The following ADGRL1 variants were observed in gnomAD, a reference collection of about 807,000 sequenced individuals.
ADGRL1 encodes the protein adhesion G protein-coupled receptor L1, also known as CIRL-1.
In ADGRL1, 31 loss-of-function variants were observed where a neutral mutation model predicts 148.9. The ratio of observed to expected loss-of-function variants is 0.21; its 90% CI spans 0.16 to 0.28. The LOEUF is 0.28. ADGRL1 is among the 10% of genes least tolerant of loss of function. The pLI is 1.00. For missense variants in ADGRL1, 1,521 were observed against 2,058.8 expected (o/e 0.74, Z 5.05); for synonymous variants, 937 against 900.3 (o/e 1.04, Z -0.73).
At chr19:14,202,800 T>C (rs1289327063) in intron 1 of ADGRL1, among the ~76,000 whole-genome samples, 5 of 152,098 alleles carry the variant, frequency 3.3e-5, no homozygotes, top group Non-Finnish European at 5.9e-5. Context: ...CTTGCAGCCC[T>C]GCCTCCCCCA....
At chr19:14,164,320 TG>T (rs1332423141) in intron 4 of ADGRL1, among the ~76,000 whole-genome samples, 1 of 151,022 alleles carries the variant, frequency 6.6e-6, no homozygotes, top group Non-Finnish European at 1.5e-5. Context: ...CCGGGAGAGT[TG>T]GGGAGGGAGA....
intron 2 of ADGRL1, among the ~76,000 whole-genome samples, chr19:14,178,805 C>T (rs1382255917): frequency 6.6e-6 from 1 of 152,154 alleles, no homozygotes; most frequent in African/African-American, 2.4e-5. Flanking sequence ...AGTCCTCGCA[C>T]CTGGCTAAAA....
Position 14,203,012 on chromosome 19 carries a change from T to TCA in ADGRL1, c.-96+2972_-96+2973insTG, listed in dbSNP as rs1231829897. On this transcript the variant is annotated intron_variant, in intron 1 of 22. Transcript: ENST00000361434. ...GGGGACACCGGGACCCCCTCCATGT[T>TCA]TCTACTTGGCCTCCCACCTCACTCC... Among the ~76,000 whole-genome samples the TCA allele has an allele frequency of 1.7e-4, 26 of 152,208 alleles. No individual in the cohort carries two copies. In the East Asian group the frequency reaches 4.6e-3, roughly 27 times the overall value.
In ADGRL1 at chr19:14,157,392, G is replaced by C. The variant is rs372948591; in HGVS notation, c.2604C>G (p.Val868=). 12 of 1,614,068 alleles carry C rather than the reference G, an allele frequency of 7.4e-6. No homozygotes were observed. The highest frequency in any genetic ancestry group is 2.7e-5 in the African/African-American group (2 of 74,940). The change falls in exon 14 of 23, where the codon GTC becomes GTG. Residue 868 remains valine, a synonymous_variant. Coordinates refer to ENST00000361434, the MANE Select transcript of ADGRL1 (RefSeq NM_014921.5). This position sits in a 1 kb window ranked among gnomAD's most constrained non-coding sequence, Gnocchi z 7.5. Reference sequence around the variant, plus strand: ...AGGTGGAGATGCAGATGGCCAAGCAGACCAGGGAGATCACAATGCCCACCC... The same window carrying C: ...AGGTGGAGATGCAGATGGCCAAGCACACCAGGGAGATCACAATGCCCACCC... ...ITWVGIVISL[V]CLAICISTFC...
In ADGRL1 at chr19:14,159,616, C is replaced by T. The variant is rs1338684491; in HGVS notation, c.1840-32G>A. 4.4e-6 allele frequency: 7 copies of T among 1,590,828 alleles called. No individual in the cohort carries two copies. The highest frequency in any genetic ancestry group is 6.0e-6 in the Non-Finnish European group (7 of 1,163,952). On this transcript the variant is annotated intron_variant, in intron 9 of 22. Coordinates refer to ENST00000361434, the MANE Select transcript of ADGRL1 (RefSeq NM_014921.5). The surrounding 1 kb of genome is among the most constrained non-coding windows in gnomAD (Gnocchi z 6.0). ...AGGCAGAGGGCATGGTGCTGTGAGC[C>T]CCCCAACACCCTCTAATTCCTGGGG...
chr19:14,173,943 C>CA (rs774211423), intron 3 of ADGRL1, among the ~76,000 whole-genome samples: 2,904 of 32,212 alleles, frequency 0.09, 205 homozygotes, highest in African/African-American at 0.16. Context: ...GACTCCGTCT[C>CA]AAAAAAAAAA....
chr19:14,151,070 G>GGGGGGGGGGGGGGC lies in ADGRL1; in HGVS notation c.4212_4213insGCCCCCCCCCCCCC (p.Pro1405AlafsTer128). The stretch of plus-strand genomic sequence containing the variant: ...CCGGGGGGTGCGGGAGGGGGTGGGG[G>GGGGGGGGGGGGGGC]CAGGGCCTCACTGGGCCCCTCAGGG... On this transcript the variant is annotated frameshift_variant, in exon 23 of 23. Coordinates refer to ENST00000361434, the MANE Select transcript of ADGRL1 (RefSeq NM_014921.5). LOFTEE classifies it high-confidence loss of function. 1.4e-6 allele frequency: 1 copy of GGGGGGGGGGGGGGC among 709,278 alleles called. No homozygotes were observed. The highest frequency in any genetic ancestry group is 2.2e-6 in the Non-Finnish European group (1 of 458,938). 43.9% of individuals were successfully genotyped at this position (709,278 alleles called of 1,614,324 possible).
chr19:14,184,633 TATTTA>T lies in ADGRL1; in HGVS notation c.-95-941_-95-937del, dbSNP rs1396319709. 5.8e-3 allele frequency among the ~76,000 whole-genome samples: 766 copies of T among 131,090 alleles called. 19 individuals are homozygous for T. Among genetic ancestry groups the T allele is most frequent in the African/African-American group, 0.024 (723 of 29,614 alleles). 86.0% of individuals were successfully genotyped at this position (131,090 alleles called of 152,430 possible). A position where few individuals can be genotyped will look rare whatever the true frequency, so the allele number is the denominator to read the frequency against. On this transcript the variant is annotated intron_variant, in intron 1 of 22. Transcript: ENST00000361434. ...TTATTTATTTATTTATTTATTTATT[TATTTA>T]TTTATTTATTTTTTTTTCTGAGACG... is the stretch of plus-strand genomic sequence containing the variant.
Position 14,150,075 on chromosome 19 carries a change from A to C in ADGRL1, c.*798T>G, listed in dbSNP as rs1968017303. 1 of 151,982 alleles carries C rather than the reference A, an allele frequency of 6.6e-6. No homozygotes were observed. The highest frequency in any genetic ancestry group is 6.6e-5 in the Admixed American group (1 of 15,246). The allele number at this position is 151,982 out of a possible 1,614,324, so 9.4% of individuals were successfully genotyped here. A position where few individuals can be genotyped will look rare whatever the true frequency, so the allele number is the denominator to read the frequency against. On this transcript the variant is annotated 3_prime_UTR_variant, in exon 23 of 23. Transcript: ENST00000361434. ...CTCCCCAGGGAGATCCAGACCCAAA[A>C]TCTGCTCCCCAGATAGCCGAGCCCA...
Position 14,176,878 on chromosome 19 carries a change from C to A in ADGRL1, c.284+653G>T, listed in dbSNP as rs116044877. 6.7e-3 allele frequency among the ~76,000 whole-genome samples: 1,015 copies of A among 152,004 alleles called. 18 individuals carry two copies. The highest frequency in any genetic ancestry group is 0.024 in the African/African-American group (976 of 41,476). On this transcript the variant is annotated intron_variant, in intron 3 of 22. Coordinates refer to ENST00000361434, the MANE Select transcript of ADGRL1 (RefSeq NM_014921.5). The stretch of plus-strand genomic sequence containing the variant: ...GTCTGGGATGAAGGGAAAAGTCCTC[C>A]CATGACACCTTCGCTCTGTCCTGCT...
chr19:14,170,642 G>A lies in ADGRL1; in HGVS notation c.394+40C>T, dbSNP rs767648926. On this transcript the variant is annotated intron_variant, in intron 4 of 22. Coordinates refer to ENST00000361434, the MANE Select transcript of ADGRL1 (RefSeq NM_014921.5). ...GTGTCTCCTCCTCACTCACTCATGC[G>A]AGAAGGGCCCGCATCCGCACAAGGA... is the stretch of plus-strand genomic sequence containing the variant. 1.0e-5 allele frequency: 13 copies of A among 1,278,798 alleles called. No homozygotes were observed. The Admixed American group carries it at 1.6e-4, about 16-fold the overall frequency. The allele number at this position is 1,278,798 out of a possible 1,614,324, so 79.2% of individuals were successfully genotyped here. A position where few individuals can be genotyped will look rare whatever the true frequency, so the allele number is the denominator to read the frequency against.
Position 14,152,425 on chromosome 19 carries a change from T to C in ADGRL1, c.3533A>G (p.Asn1178Ser), listed in dbSNP as rs781276717. 2 of 1,601,312 alleles carry C rather than the reference T, an allele frequency of 1.2e-6. No homozygotes were observed. Among genetic ancestry groups the C allele is most frequent in the South Asian group, 1.1e-5 (1 of 89,982 alleles). Residue 1178 changes from asparagine (N) to serine (S), a missense_variant, in exon 21 of 23, where the codon AAC becomes AGC. Coordinates refer to ENST00000361434, the MANE Select transcript of ADGRL1 (RefSeq NM_014921.5). This position sits in a 1 kb window ranked among gnomAD's most constrained non-coding sequence, Gnocchi z 6.1. ...CAGCACGGGGTTGGTCAGCAGGTGG[T>C]TCCCCATGGTACCTGGCCAAAGGAT... ...TPTLNRGTMG[N>S]HLLTNPVLQP...
chr19:14,177,632 G>T lies in ADGRL1; in HGVS notation c.183C>A (p.Ala61=), dbSNP rs774914603. Residue 61 remains alanine (A), a synonymous_variant, in exon 3 of 23, where the codon GCC becomes GCA. Transcript: ENST00000361434. ...PGSDVIMVEN[A]NYGRTDDKIC... is the part of the protein sequence containing the mutation. ...TCTTGTCGTCCGTGCGCCCGTAGTTGGCATTCTCCACCATGATGACGTCGC... is the reference window on the plus strand; with the variant it reads ...TCTTGTCGTCCGTGCGCCCGTAGTTTGCATTCTCCACCATGATGACGTCGC... 6.2e-7 allele frequency: 1 copy of T among 1,614,208 alleles called. No homozygotes were observed.
In ADGRL1 at chr19:14,155,457, T is replaced by A; in HGVS notation, c.3196A>T (p.Ile1066Phe). 1 of 1,614,012 alleles carries A rather than the reference T, an allele frequency of 6.2e-7. No individual in the cohort carries two copies. Among genetic ancestry groups the A allele is most frequent in the Non-Finnish European group, 8.5e-7 (1 of 1,179,980 alleles). Residue 1066 changes from isoleucine to phenylalanine, a missense_variant, in exon 18 of 23, where the codon ATC (isoleucine) becomes TTC (phenylalanine). Ile to Phe is a conservative substitution (Grantham distance 21). This residue lies in a region of ADGRL1 where 185 missense variants were observed against 251.7 expected (regional missense o/e 0.74). Coordinates refer to ENST00000361434, the MANE Select transcript of ADGRL1 (RefSeq NM_014921.5). This position sits in a 1 kb window ranked among gnomAD's most constrained non-coding sequence, Gnocchi z 5.0. ...GLTWAFGLLF[I>F]NKESVVMAYL... is the part of the protein sequence containing the mutation. ...GCCATGACCACCGACTCCTTGTTGA[T>A]GAAGAGGAGGCCGAAAGCCCAGGTG...
At chr19:14,205,097 T>C (rs1450032054) in intron 1 of ADGRL1, among the ~76,000 whole-genome samples, 1 of 151,792 alleles carries the variant, frequency 6.6e-6, no homozygotes, top group African/African-American at 2.4e-5. Context: ...AGGGGTGCAC[T>C]GGAGAGATAC....
chr19:14,175,161 A>G (rs1970734626), intron 3 of ADGRL1, among the ~76,000 whole-genome samples: 1 of 152,116 alleles, frequency 6.6e-6, no homozygotes, highest in Non-Finnish European at 1.5e-5. Flanking sequence ...ATTTGAAGGA[A>G]AGGCTGATCA....
intron 3 of ADGRL1, among the ~76,000 whole-genome samples, chr19:14,175,608 A>T (rs1970771054): frequency 6.6e-6 from 1 of 150,796 alleles, no homozygotes; most frequent in African/African-American, 2.4e-5. Flanking sequence ...ACTCATACAG[A>T]CACACTCAGA....
At position 14,152,257 on chromosome 19, in the gene ADGRL1, G is replaced by C. The variant is rs920119906; in HGVS notation, c.3649+52C>G. On this transcript the variant is annotated intron_variant, in intron 21 of 22. Coordinates refer to ENST00000361434, the MANE Select transcript of ADGRL1 (RefSeq NM_014921.5). This position sits in a 1 kb window ranked among gnomAD's most constrained non-coding sequence, Gnocchi z 6.1. Reference sequence around the variant, plus strand: ...AGAACATCCCATGCAGAGGTCCCTTGGGACACAAACCCTCCATTTCCCAAC... The same window carrying C: ...AGAACATCCCATGCAGAGGTCCCTTCGGACACAAACCCTCCATTTCCCAAC... The C allele has an allele frequency of 6.2e-7, 1 of 1,612,592 alleles. No individual in the cohort carries two copies. Among genetic ancestry groups the C allele is most frequent in the Non-Finnish European group, 8.5e-7 (1 of 1,178,942 alleles).
chr19:14,155,292 C>T lies in ADGRL1; in HGVS notation c.3294+67G>A. 1 of 1,577,280 alleles carries T rather than the reference C, an allele frequency of 6.3e-7. No individual in the cohort carries two copies. The highest frequency in any genetic ancestry group is 8.6e-7 in the Non-Finnish European group (1 of 1,157,274). On this transcript the variant is annotated intron_variant, in intron 18 of 22. Transcript: ENST00000361434. The surrounding 1 kb of genome is among the most constrained non-coding windows in gnomAD (Gnocchi z 5.0). ...CCTGAGTCCCCTCCACCCTCGCCGC[C>T]TTCTCCTGGGTACCCAGGAAACGTC...
Sources: allele counts gnomAD v4.1 joint callset (sites outside exome capture counted in the v4.1 genomes callset), GRCh38; gene constraint gnomAD v4.1.1; regional missense constraint gnomAD v4.1.1; non-coding constraint Gnocchi (gnomAD v3.1); transcripts MANE v1.5; gene names NCBI Gene and HGNC (gene_info 2026-07-23, HGNC 2026-07-21).